The following SAMTOR variants were observed in gnomAD, a reference collection of about 807,000 sequenced individuals.
SAMTOR encodes UPF0532 protein C7orf60.
the SAMTOR span, chr7:112,939,801 C>G: frequency 3.5e-6 from 5 of 1,447,072 alleles, no homozygotes; most frequent in South Asian, 4.8e-5. Context: ...CAGACGCTCC[C>G]CAGATGGAGG....
chr7:112,834,096 T>C, the SAMTOR span, among the ~76,000 whole-genome samples: 1 of 152,332 alleles, frequency 6.6e-6, no homozygotes, highest in Non-Finnish European at 1.5e-5. Context: ...TGTTTTTGAG[T>C]TGTTTGTGCT....
the SAMTOR span, among the ~76,000 whole-genome samples, chr7:112,917,810 T>A: frequency 6.6e-6 from 1 of 152,060 alleles, no homozygotes; most frequent in Non-Finnish European, 1.5e-5. Context: ...TGCAGAAGCC[T>A]CAGGAGCTGA....
At chr7:112,870,901 C>T in the SAMTOR span, among the ~76,000 whole-genome samples, 2 of 151,696 alleles carry the variant, frequency 1.3e-5, no homozygotes, top group Admixed American at 6.6e-5. Flanking sequence ...TCAGATAAAA[C>T]ACAATTTAAA....
the SAMTOR span, chr7:112,939,463 A>T: frequency 7.0e-7 from 1 of 1,429,342 alleles, no homozygotes; most frequent in Non-Finnish European, 9.4e-7. Context: ...CCGGGAGAGC[A>T]GCAGCGGCTG....
the SAMTOR span, among the ~76,000 whole-genome samples, chr7:112,823,945 T>A: frequency 6.6e-6 from 1 of 152,238 alleles, no homozygotes; most frequent in Admixed American, 6.5e-5. Flanking sequence ...CCGGACTTAT[T>A]TGCCATCCAG....
the SAMTOR span, among the ~76,000 whole-genome samples, chr7:112,867,854 T>C: frequency 1.3e-5 from 2 of 152,220 alleles, no homozygotes; most frequent in African/African-American, 2.4e-5. Flanking sequence ...CAAACTGGTA[T>C]TGGTCCGTGG....
At chr7:112,821,728 G>A in the SAMTOR span, 2 of 1,565,762 alleles carry the variant, frequency 1.3e-6, no homozygotes, top group Non-Finnish European at 1.7e-6. Context: ...ACTGAAAGGG[G>A]CTTTTTGCTT....
At chr7:112,939,707 C>T in the SAMTOR span, 1 of 1,610,542 alleles carries the variant, frequency 6.2e-7, no homozygotes, top group South Asian at 1.1e-5. Flanking sequence ...GGACCCGGCC[C>T]TCTGCGCACG....
chr7:112,907,457 A>G, the SAMTOR span, among the ~76,000 whole-genome samples: 1 of 152,168 alleles, frequency 6.6e-6, no homozygotes, highest in African/African-American at 2.4e-5. Flanking sequence ...CTTTTCTAAG[A>G]CAATAAAAAT....
the SAMTOR span, among the ~76,000 whole-genome samples, chr7:112,899,471 T>C: frequency 6.6e-6 from 1 of 152,106 alleles, no homozygotes; most frequent in Admixed American, 6.5e-5. Context: ...TAAGAGTTAT[T>C]GGCCTTAAAG....
At chr7:112,870,423 G>T in the SAMTOR span, among the ~76,000 whole-genome samples, 1 of 152,104 alleles carries the variant, frequency 6.6e-6, no homozygotes, top group Non-Finnish European at 1.5e-5. Context: ...TGCCAGCGAA[G>T]AATTTCATAT....
chr7:112,868,243 C>T, the SAMTOR span, among the ~76,000 whole-genome samples: 1,618 of 152,244 alleles, frequency 0.011, 29 homozygotes, highest in African/African-American at 0.037. Flanking sequence ...GGATTAGAGG[C>T]TTTCAGCATT....
chr7:112,929,577 T>C, the SAMTOR span, among the ~76,000 whole-genome samples: 5 of 152,010 alleles, frequency 3.3e-5, no homozygotes, highest in Admixed American at 6.6e-5. Flanking sequence ...AATCCCACTA[T>C]GGGTATTTAT....
chr7:112,925,443 G>A, the SAMTOR span, among the ~76,000 whole-genome samples: 7 of 152,168 alleles, frequency 4.6e-5, no homozygotes, highest in African/African-American at 1.7e-4. Context: ...CCTGGGAAAA[G>A]CTATGCTTAA....
the SAMTOR span, chr7:112,939,384 G>A: frequency 1.4e-6 from 1 of 701,928 alleles, no homozygotes; most frequent in Admixed American, 2.9e-5. Flanking sequence ...GAACTCTCCC[G>A]AAGGGCCCTC....
the SAMTOR span, among the ~76,000 whole-genome samples, chr7:112,898,863 A>C: frequency 6.6e-6 from 1 of 152,218 alleles, no homozygotes; most frequent in African/African-American, 2.4e-5. Flanking sequence ...GTTGCAGTGT[A>C]CCTGGGCTTA....
the SAMTOR span, among the ~76,000 whole-genome samples, chr7:112,881,909 C>G: frequency 2.0e-5 from 3 of 152,234 alleles, no homozygotes; most frequent in African/African-American, 4.8e-5. Flanking sequence ...CCCCCTACCC[C>G]GCTTGACACA....
chr7:112,924,759 G>A, the SAMTOR span, among the ~76,000 whole-genome samples: 5 of 151,852 alleles, frequency 3.3e-5, no homozygotes, highest in African/African-American at 1.2e-4. Context: ...TAAGGTATTC[G>A]AGTTCAATCA....
the SAMTOR span, among the ~76,000 whole-genome samples, chr7:112,868,858 T>C: frequency 8.5e-5 from 13 of 152,278 alleles, no homozygotes; most frequent in African/African-American, 3.1e-4. Context: ...GAAGCTGGTA[T>C]TTCTCCTACG....
Sources: allele counts gnomAD v4.1 joint callset (sites outside exome capture counted in the v4.1 genomes callset), GRCh38; gene constraint gnomAD v4.1.1; transcripts MANE v1.5; gene names NCBI Gene and HGNC (gene_info 2026-07-23, HGNC 2026-07-21).